DIAPH2: variants seen among roughly 807,000 people sequenced by gnomAD.
The protein encoded by DIAPH2 is diaphanous related formin 2.
Under a neutral mutation model 92.7 loss-of-function variants are expected in DIAPH2, and 35 were observed. That is an observed-to-expected ratio of 0.38 (90% confidence interval 0.29 to 0.50). The LOEUF is 0.50. Ranked by LOEUF, DIAPH2 falls within the 20% of genes least tolerant of loss-of-function variation. The pLI, the probability that DIAPH2 is intolerant of heterozygous loss-of-function variation, is 0.94. For missense variants in DIAPH2, 701 were observed against 819.5 expected (o/e 0.86, Z 1.77); for synonymous variants, 301 against 280.4 (o/e 1.07, Z -0.73).
At chrX:97,199,412 C>A (rs1298195167) in intron 22 of DIAPH2, among the ~76,000 whole-genome samples, 2 of 111,119 alleles carry the variant, frequency 1.8e-5, no homozygotes, top group Admixed American at 9.6e-5. Context: ...GTATCTGTAT[C>A]TTTTTATTAA....
chrX:97,512,446 C>T (rs1375327846), intron 26 of DIAPH2, among the ~76,000 whole-genome samples: 1,464 of 49,408 alleles, frequency 0.03, no homozygotes, highest in African/African-American at 0.049. Context: ...TTTGTTGATC[C>T]TTTTAAAAAA....
intron 16 of DIAPH2, among the ~76,000 whole-genome samples, chrX:96,959,961 A>T (rs1335134357): frequency 9.0e-6 from 1 of 110,998 alleles, no homozygotes; most frequent in African/African-American, 3.3e-5. Flanking sequence ...TCTCTATTCT[A>T]TTCCATTGGT....
intron 19 of DIAPH2, among the ~76,000 whole-genome samples, chrX:97,090,373 T>TCC (rs1270440337): frequency 1.2e-5 from 1 of 86,253 alleles, no homozygotes; most frequent in Non-Finnish European, 2.2e-5. Context: ...AAAGGGGTGC[T>TCC]CCCCTAGGAA....
chrX:96,856,276 A>G (rs2065038836), intron 4 of DIAPH2, among the ~76,000 whole-genome samples: 1 of 111,271 alleles, frequency 9.0e-6, no homozygotes, highest in Non-Finnish European at 1.9e-5. Context: ...TTCATCCAAC[A>G]GCAAATTTCA....
chrX:96,933,426 C>T (rs1391189021), intron 10 of DIAPH2, among the ~76,000 whole-genome samples: 1 of 106,746 alleles, frequency 9.4e-6, no homozygotes. Context: ...ATCTCCTGTG[C>T]TCAAGCAATC....
rs56682273 is a variant in DIAPH2, at chrX:96,916,417, G to GTTT, written c.733-5_733-3dup. 2.3e-3 allele frequency: 2,042 copies of GTTT among 875,898 alleles called. 4 individuals carry two copies. The highest frequency in any genetic ancestry group is 0.014 in the African/African-American group (585 of 41,450). The allele number at this position is 875,898 out of a possible 1,213,427, so 72.2% of individuals were successfully genotyped here. ...TATTCCATAGACATTCTGAATGAAG[G>GTTT]TTTTTTTTTTTTTTTTTTAGTTTGG... is the stretch of plus-strand genomic sequence containing the variant. On this transcript the variant is annotated intron_variant, in intron 7 of 26. Transcript: ENST00000324765.
chrX:97,169,452 C>CA (rs2067435962), intron 22 of DIAPH2, among the ~76,000 whole-genome samples: 1 of 111,545 alleles, frequency 9.0e-6, no homozygotes, highest in South Asian at 3.8e-4. Flanking sequence ...AAGCAAGGGA[C>CA]AAAACTAGGG....
intron 26 of DIAPH2, among the ~76,000 whole-genome samples, chrX:97,438,382 T>TTTTTTTTC (rs1569397556): frequency 1.1e-5 from 1 of 92,482 alleles, no homozygotes; most frequent in African/African-American, 4.1e-5. Flanking sequence ...TTTTTTTTTT[T>TTTTTTTTC]TGAGACAGGG....
intron 22 of DIAPH2, among the ~76,000 whole-genome samples, chrX:97,171,511 G>A (rs1433461374): frequency 8.9e-6 from 1 of 112,169 alleles, no homozygotes; most frequent in Non-Finnish European, 1.9e-5. Flanking sequence ...GGGTTCAGTG[G>A]AAGAGGAAAG....
At position 97,055,840 on chromosome X, in the gene DIAPH2, T is replaced by C. The variant is rs73551267; in HGVS notation, c.2051-17101T>C. 1.7e-3 allele frequency among the ~76,000 whole-genome samples: 185 copies of C among 111,736 alleles called. 1 individual carries two copies. The highest frequency in any genetic ancestry group is 5.6e-3 in the African/African-American group (173 of 30,805). On this transcript the variant is annotated intron_variant, in intron 17 of 26. Coordinates refer to ENST00000324765, the MANE Select transcript of DIAPH2 (RefSeq NM_006729.5). ...GTTTCAAGAAAAAAACTATTAGTAA[T>C]TTAATAAATTCAGTAGCTTCCTATA... is the stretch of plus-strand genomic sequence containing the variant.
intron 25 of DIAPH2, among the ~76,000 whole-genome samples, chrX:97,402,207 CGTGTGTGTGTGTGT>C (rs10695870): frequency 1.0e-5 from 1 of 99,841 alleles, no homozygotes; most frequent in African/African-American, 3.6e-5. Flanking sequence ...TCATTTGCAT[CGTGTGTGTGTGTGT>C]GTGTGTGTGT....
intron 24 of DIAPH2, among the ~76,000 whole-genome samples, chrX:97,352,299 G>T (rs372976260): frequency 4.1e-4 from 46 of 110,941 alleles, no homozygotes; most frequent in African/African-American, 1.5e-3. Context: ...TCCTCTAAAA[G>T]ATGGGGCAAA....
chrX:97,497,758 A>G (rs1569412110), intron 26 of DIAPH2, among the ~76,000 whole-genome samples: 1 of 110,916 alleles, frequency 9.0e-6, no homozygotes, highest in Non-Finnish European at 1.9e-5. Context: ...GTGAGCCAAT[A>G]TCATGCCACT....
At chrX:97,223,012 A>G (rs1254431808) in intron 22 of DIAPH2, among the ~76,000 whole-genome samples, 1 of 110,482 alleles carries the variant, frequency 9.1e-6, no homozygotes, top group Admixed American at 9.7e-5. Flanking sequence ...ATTTATTTGT[A>G]GAGATGGAGT....
intron 26 of DIAPH2, among the ~76,000 whole-genome samples, chrX:97,507,141 CAAAAAAAAA>C (rs397896097): frequency 0.015 from 457 of 31,120 alleles, 6 homozygotes; most frequent in African/African-American, 0.06. Context: ...ACAAAACCGA[CAAAAAAAAA>C]AAAAAAAAAA....
At chrX:97,493,892 A>C (rs2147824188) in intron 26 of DIAPH2, among the ~76,000 whole-genome samples, 1 of 106,190 alleles carries the variant, frequency 9.4e-6, no homozygotes, top group African/African-American at 3.4e-5. Context: ...ATCTCAAAAA[A>C]AAAGAAAAAG....
intron 26 of DIAPH2, among the ~76,000 whole-genome samples, chrX:97,593,689 C>CA (rs1569431269): frequency 9.0e-6 from 1 of 111,154 alleles, no homozygotes; most frequent in Non-Finnish European, 1.9e-5. Context: ...TAACAATCAA[C>CA]AAGCAATCAA....
At chrX:97,588,199 G>T (rs1050572220) in intron 26 of DIAPH2, among the ~76,000 whole-genome samples, 2 of 112,246 alleles carry the variant, frequency 1.8e-5, no homozygotes, top group Non-Finnish European at 1.9e-5. Context: ...GTTTAGAAAG[G>T]TTCATTTTGC....
At chrX:97,428,792 C>T (rs1369882796) in intron 25 of DIAPH2, among the ~76,000 whole-genome samples, 1 of 111,259 alleles carries the variant, frequency 9.0e-6, no homozygotes, top group African/African-American at 3.3e-5. Flanking sequence ...AGGCTGAGCT[C>T]ACTGGGGATT....
Sources: allele counts gnomAD v4.1 joint callset (sites outside exome capture counted in the v4.1 genomes callset), GRCh38; gene constraint gnomAD v4.1.1; transcripts MANE v1.5; gene names NCBI Gene and HGNC (gene_info 2026-07-23, HGNC 2026-07-21).